Variants in TAF3 observed in about 807,000 individuals in gnomAD.
The protein encoded by TAF3 is transcription initiation factor TFIID subunit 3.
Under a neutral mutation model 80.6 loss-of-function variants are expected in TAF3, and 7 were observed. The ratio of observed to expected loss-of-function variants is 0.09; its 90% CI spans 0.05 to 0.16. The LOEUF (loss-of-function observed/expected upper bound fraction) is 0.16. TAF3 is among the 10% of genes least tolerant of loss of function. The pLI is 1.00. For missense variants in TAF3, 921 were observed against 1,140.2 expected (o/e 0.81, Z 2.77); for synonymous variants, 444 against 446.1 (o/e 1.00, Z 0.06).
intron 2 of TAF3, among the ~76,000 whole-genome samples, chr10:7,926,893 C>T (rs191459068): frequency 2.3e-3 from 348 of 152,160 alleles, no homozygotes; most frequent in African/African-American, 8.1e-3. Flanking sequence ...TTAACAATGT[C>T]AGAGAGAAGA....
chr10:8,008,222 G>A (rs1452854147), intron 4 of TAF3, among the ~76,000 whole-genome samples: 3 of 150,212 alleles, frequency 2.0e-5, no homozygotes, highest in Non-Finnish European at 2.9e-5. Context: ...TCAGCCTCCT[G>A]AGTAGCTGGA....
rs558208254 is a variant in TAF3, at chr10:8,009,687, T to G, written c.2568+357T>G. On this transcript the variant is annotated intron_variant, in intron 5 of 6. Transcript: ENST00000344293. This position sits in a 1 kb window ranked among gnomAD's most constrained non-coding sequence, Gnocchi z 4.1. Reference sequence around the variant, plus strand: ...CCCAACCTGGAATGCGGTGGTGAGATCTCAGCTCACTGCAACCTCCACCTC... The same window carrying G: ...CCCAACCTGGAATGCGGTGGTGAGAGCTCAGCTCACTGCAACCTCCACCTC... Among the ~76,000 whole-genome samples the G allele has an allele frequency of 3.6e-3, 552 of 151,840 alleles. 2 individuals carry two copies. Among genetic ancestry groups the G allele is most frequent in the South Asian group, 0.015 (73 of 4,804 alleles).
intron 2 of TAF3, among the ~76,000 whole-genome samples, chr10:7,925,273 A>ATG (rs1491302585): frequency 6.6e-6 from 1 of 152,222 alleles, no homozygotes; most frequent in Non-Finnish European, 1.5e-5. Flanking sequence ...TGGTGTGGAC[A>ATG]TGTGTGTGGA....
At chr10:7,961,784 A>G (rs374580034) in intron 2 of TAF3, among the ~76,000 whole-genome samples, 1 of 151,774 alleles carries the variant, frequency 6.6e-6, no homozygotes, top group Non-Finnish European at 1.5e-5. Flanking sequence ...GTCCTTTTCT[A>G]TTTCCTTATT....
At chr10:7,945,999 TG>T (rs1184851414) in intron 2 of TAF3, among the ~76,000 whole-genome samples, 1 of 152,216 alleles carries the variant, frequency 6.6e-6, no homozygotes, top group Non-Finnish European at 1.5e-5. Context: ...TGGATGAGAT[TG>T]CCTTGACCTT....
intron 2 of TAF3, among the ~76,000 whole-genome samples, chr10:7,927,994 A>T (rs1837831475): frequency 6.6e-6 from 1 of 151,620 alleles, no homozygotes; most frequent in African/African-American, 2.4e-5. Context: ...GGAGTTCTGG[A>T]TGTTTGATGA....
chr10:7,995,895 A>C (rs758875949), intron 4 of TAF3, among the ~76,000 whole-genome samples: 1 of 152,206 alleles, frequency 6.6e-6, no homozygotes, highest in Admixed American at 6.5e-5. Flanking sequence ...AAGAATCAAC[A>C]TAAAACCGAT....
chr10:7,838,799 CTT>C (rs1836879194), intron 2 of TAF3, among the ~76,000 whole-genome samples: 1 of 152,008 alleles, frequency 6.6e-6, no homozygotes, highest in Non-Finnish European at 1.5e-5. Flanking sequence ...CTGCCTCTCT[CTT>C]GGCCCTCTCA....
chr10:8,007,626 AAAG>A (rs1365545958), intron 4 of TAF3, among the ~76,000 whole-genome samples: 3 of 133,934 alleles, frequency 2.2e-5, no homozygotes, highest in South Asian at 2.4e-4. Context: ...TTTTTTTAAT[AAAG>A]AAGCTTAAAA....
At chr10:7,838,908 G>GTTTTTTTTTTTTTTTTT (rs71505463) in intron 2 of TAF3, among the ~76,000 whole-genome samples, 5 of 101,850 alleles carry the variant, frequency 4.9e-5, no homozygotes, top group Admixed American at 1.1e-4. Context: ...GGCATTGCTT[G>GTTTTTTTTTTTTTTTTT]TTTTTTTTTT....
chr10:7,846,554 G>A (rs547899440), intron 2 of TAF3, among the ~76,000 whole-genome samples: 60 of 152,150 alleles, frequency 3.9e-4, no homozygotes, highest in African/African-American at 1.4e-3. Context: ...ACAGTTTTGA[G>A]TGGTTTTGAC....
chr10:7,902,271 A>C lies in TAF3; in HGVS notation c.410-61649A>C, dbSNP rs554880071. Reference sequence around the variant, plus strand: ...AAACCCTGTCTCTACTAAAAATACAAAATTAGCCAGGCCTGGTGGCACATG... The same window carrying C: ...AAACCCTGTCTCTACTAAAAATACACAATTAGCCAGGCCTGGTGGCACATG... On this transcript the variant is annotated intron_variant, in intron 2 of 6. Coordinates refer to ENST00000344293, the MANE Select transcript of TAF3 (RefSeq NM_031923.4). Among the ~76,000 whole-genome samples the C allele has an allele frequency of 8.5e-5, 13 of 152,190 alleles. No homozygotes were observed. In the East Asian group the frequency reaches 2.5e-3, roughly 29 times the overall value.
rs923071461 is a variant in TAF3 at position 7,854,934 on chromosome 10, T to C, written c.409+30374T>C. 1.9e-4 allele frequency among the ~76,000 whole-genome samples: 29 copies of C among 152,352 alleles called. 1 individual carries two copies. Among genetic ancestry groups the C allele is most frequent in the African/African-American group, 6.7e-4 (28 of 41,584 alleles). ...AACACTTTTGACTTCTGGTTGAAGA[T>C]GGAGAATTAAATCTATGTATTCACC... On this transcript the variant is annotated intron_variant, in intron 2 of 6. Coordinates refer to ENST00000344293, the MANE Select transcript of TAF3 (RefSeq NM_031923.4).
chr10:7,997,116 T>G (rs1435581405), intron 4 of TAF3, among the ~76,000 whole-genome samples: 2 of 152,214 alleles, frequency 1.3e-5, no homozygotes, highest in African/African-American at 4.8e-5. Context: ...AACAATATGT[T>G]TTTTCATCGA....
chr10:7,869,575 A>G (rs191888826), intron 2 of TAF3, among the ~76,000 whole-genome samples: 23 of 152,314 alleles, frequency 1.5e-4, no homozygotes, highest in African/African-American at 5.1e-4. Flanking sequence ...CAGTGCTTTT[A>G]TTAACATTCT....
At chr10:7,851,102 G>C (rs925357826) in intron 2 of TAF3, among the ~76,000 whole-genome samples, 1 of 152,172 alleles carries the variant, frequency 6.6e-6, no homozygotes, top group Non-Finnish European at 1.5e-5. Flanking sequence ...GTTTGGAAGA[G>C]GATAAGTACT....
At chr10:7,997,242 G>A (rs974034334) in intron 4 of TAF3, among the ~76,000 whole-genome samples, 1 of 152,162 alleles carries the variant, frequency 6.6e-6, no homozygotes. Context: ...AATAATGGCC[G>A]TTCACTTTTA....
chr10:7,953,798 T>C (rs1838107174), intron 2 of TAF3, among the ~76,000 whole-genome samples: 1 of 152,174 alleles, frequency 6.6e-6, no homozygotes, highest in African/African-American at 2.4e-5. Context: ...GAATTAGTCC[T>C]AGTTAACACA....
rs1374251530 is a variant in TAF3 at position 7,965,277 on chromosome 10, G to A, written c.1767G>A (p.Lys589=). The A allele has an allele frequency of 5.0e-6, 8 of 1,607,714 alleles. No individual in the cohort carries two copies. The highest frequency in any genetic ancestry group is 6.8e-6 in the Non-Finnish European group (8 of 1,178,640). The change falls in exon 3 of 7, where the codon AAG becomes AAA. Residue 589 remains lysine, a synonymous_variant. Transcript: ENST00000344293. ...AAGAGGAAGAGGCAGATCCCTACAA[G>A]TTTAAAATCAAAGAATTTGAAGATG... The part of the protein sequence containing the change: ...FLKEEEADPY[K]FKIKEFEDVD...
Sources: gnomAD v4.1 joint callset for allele counts (sites outside exome capture counted in the v4.1 genomes callset) on GRCh38, gnomAD v4.1.1 for gene constraint, Gnocchi (gnomAD v3.1) non-coding constraint, MANE v1.5 for transcripts, NCBI Gene and HGNC (gene_info 2026-07-23, HGNC 2026-07-21) for gene names.